PCOLCE2: variants seen among roughly 807,000 people sequenced by gnomAD.
The protein encoded by PCOLCE2 is procollagen C-proteinase enhancer 2.
A neutral mutation model predicts 47.0 loss-of-function variants in PCOLCE2; 42 were observed. The ratio of observed to expected loss-of-function variants is 0.89; its 90% CI spans 0.70 to 1.16. The LOEUF is 1.16. PCOLCE2 is among the 50% of genes most tolerant of loss of function. The pLI, the probability that PCOLCE2 is intolerant of heterozygous loss-of-function variation, is 0.00. For synonymous variants in PCOLCE2, 169 were observed against 191.7 expected, an observed-to-expected ratio of 0.88 and a Z score of 0.98; for missense variants, 500 against 526.1, an observed-to-expected ratio of 0.95 and a Z score of 0.49.
chr3:142,852,996 C>G (rs1050192321), intron 2 of PCOLCE2, among the ~76,000 whole-genome samples: 1 of 150,400 alleles, frequency 6.6e-6, no homozygotes, highest in Non-Finnish European at 1.5e-5. Context: ...GTCCCAGCTA[C>G]TTAGGAGGCT....
At chr3:142,830,680 C>A (rs1328829296) in intron 5 of PCOLCE2, among the ~76,000 whole-genome samples, 1 of 152,128 alleles carries the variant, frequency 6.6e-6, no homozygotes, top group East Asian at 1.9e-4. Context: ...CAAAAGCTCT[C>A]TAAAATCTTA....
chr3:142,879,558 T>C (rs1933563016), intron 2 of PCOLCE2, among the ~76,000 whole-genome samples: 1 of 152,230 alleles, frequency 6.6e-6, no homozygotes, highest in African/African-American at 2.4e-5. Flanking sequence ...TGCTTATTTA[T>C]TTAGGATTTA....
intron 5 of PCOLCE2, among the ~76,000 whole-genome samples, chr3:142,836,123 G>C (rs1413987611): frequency 6.6e-6 from 1 of 151,970 alleles, no homozygotes; most frequent in Non-Finnish European, 1.5e-5. Context: ...TGTTTTTTTG[G>C]GGACAGTCAG....
chr3:142,884,355 C>A (rs1422094550), intron 2 of PCOLCE2, among the ~76,000 whole-genome samples: 1 of 152,178 alleles, frequency 6.6e-6, no homozygotes, highest in Non-Finnish European at 1.5e-5. Context: ...CTTAGAAGAC[C>A]AGTCACTACT....
At chr3:142,829,656 A>C in intron 6 of PCOLCE2, 36 bp downstream of exon 6, 2 of 1,515,994 alleles carry the variant, frequency 1.3e-6, no homozygotes, top group East Asian at 4.6e-5. Context: ...TATACTCCTA[A>C]AGTTTTTGCA....
intron 2 of PCOLCE2, among the ~76,000 whole-genome samples, chr3:142,855,984 C>T (rs1337640839): frequency 6.6e-6 from 1 of 152,192 alleles, no homozygotes; most frequent in Non-Finnish European, 1.5e-5. Flanking sequence ...TGGATAGTGA[C>T]ATTCACCAGG....
chr3:142,883,903 G>A (rs1369422315), intron 2 of PCOLCE2, among the ~76,000 whole-genome samples: 1 of 152,138 alleles, frequency 6.6e-6, no homozygotes, highest in Admixed American at 6.5e-5. Flanking sequence ...AGCACAGAAC[G>A]TAAGATGCCT....
intron 2 of PCOLCE2, among the ~76,000 whole-genome samples, chr3:142,859,066 CTT>C (rs869252402): frequency 1.3e-4 from 19 of 142,750 alleles, no homozygotes; most frequent in Admixed American, 2.1e-4. Context: ...ATGTTTTCTT[CTT>C]TTTTTTTTTT....
At chr3:142,884,856 A>T (rs1235610954) in intron 2 of PCOLCE2, among the ~76,000 whole-genome samples, 1 of 152,234 alleles carries the variant, frequency 6.6e-6, no homozygotes, top group Non-Finnish European at 1.5e-5. Context: ...GTGATGACAG[A>T]AATACTATAT....
intron 2 of PCOLCE2, among the ~76,000 whole-genome samples, chr3:142,882,592 T>C (rs1056153873): frequency 6.6e-6 from 1 of 152,028 alleles, no homozygotes; most frequent in African/African-American, 2.4e-5. Flanking sequence ...TTATTATACT[T>C]TAGAGAAGAG....
chr3:142,860,164 C>CAACCAGTG (rs1226202014), intron 2 of PCOLCE2, among the ~76,000 whole-genome samples: 1 of 152,194 alleles, frequency 6.6e-6, no homozygotes, highest in Non-Finnish European at 1.5e-5. Context: ...TCCTCAGAAG[C>CAACCAGTG]AACCAGTGTA....
At chr3:142,878,800 G>A (rs960676001) in intron 2 of PCOLCE2, among the ~76,000 whole-genome samples, 20 of 152,094 alleles carry the variant, frequency 1.3e-4, no homozygotes, top group African/African-American at 4.8e-4. Flanking sequence ...GCTGCAGTGA[G>A]CTGAGATCAC....
intron 2 of PCOLCE2, among the ~76,000 whole-genome samples, chr3:142,867,136 C>G (rs571103779): frequency 4.6e-5 from 7 of 152,294 alleles, no homozygotes; most frequent in African/African-American, 1.7e-4. Context: ...ACCGCCTCCT[C>G]GAGCCTCCCA....
intron 2 of PCOLCE2, among the ~76,000 whole-genome samples, chr3:142,878,984 A>G (rs1933553933): frequency 6.6e-6 from 1 of 152,188 alleles, no homozygotes; most frequent in Admixed American, 6.5e-5. Context: ...ATTTTAAGGC[A>G]TTTTCAAATT....
chr3:142,882,436 C>A (rs1331960486), intron 2 of PCOLCE2, among the ~76,000 whole-genome samples: 1 of 152,156 alleles, frequency 6.6e-6, no homozygotes, highest in Non-Finnish European at 1.5e-5. Flanking sequence ...TGATTTTTCT[C>A]AGGCTAGATT....
At chr3:142,833,440 C>T (rs541894676) in intron 5 of PCOLCE2, among the ~76,000 whole-genome samples, 18 of 152,030 alleles carry the variant, frequency 1.2e-4, no homozygotes, top group African/African-American at 4.1e-4. Flanking sequence ...CCTTGGGCTC[C>T]CAAAGTGCTG....
intron 5 of PCOLCE2, among the ~76,000 whole-genome samples, chr3:142,830,842 G>C (rs1937143536): frequency 6.6e-6 from 1 of 152,204 alleles, no homozygotes; most frequent in Non-Finnish European, 1.5e-5. Context: ...ATTAACCAGT[G>C]GTCTGACTGA....
At chr3:142,850,606 G>T (rs1292834198) in intron 2 of PCOLCE2, among the ~76,000 whole-genome samples, 2 of 152,196 alleles carry the variant, frequency 1.3e-5, no homozygotes, top group African/African-American at 2.4e-5. Context: ...TGCTGCTGCT[G>T]AGAAAGACCA....
chr3:142,856,214 T>C (rs898686255), intron 2 of PCOLCE2, among the ~76,000 whole-genome samples: 2 of 152,138 alleles, frequency 1.3e-5, no homozygotes, highest in Non-Finnish European at 2.9e-5. Context: ...CGAGTAGACG[T>C]AGATGATTTG....
Sources: allele counts gnomAD v4.1 joint callset (sites outside exome capture counted in the v4.1 genomes callset), GRCh38; gene constraint gnomAD v4.1.1; transcripts MANE v1.5; gene names NCBI Gene and HGNC (gene_info 2026-07-23, HGNC 2026-07-21).